Variants in GTF2E1 observed in about 807,000 individuals in gnomAD.
GTF2E1 encodes the protein TFIIE alpha subunit.
Under a neutral mutation model 34.9 loss-of-function variants are expected in GTF2E1, and 14 were observed. That is an observed-to-expected ratio of 0.40 (90% CI 0.27 to 0.63). The LOEUF (loss-of-function observed/expected upper bound fraction) is 0.63, where lower values mean the gene tolerates loss of function less well. GTF2E1 is among the 20% of genes least tolerant of loss of function. GTF2E1 has a pLI of 0.39. For synonymous variants in GTF2E1, 188 were observed against 192.9 expected (o/e 0.97, Z 0.21); for missense variants, 469 against 557.7 (o/e 0.84, Z 1.60).
At chr3:120,756,765 A>C (rs1364901913) in intron 2 of GTF2E1, among the ~76,000 whole-genome samples, 1 of 152,010 alleles carries the variant, frequency 6.6e-6, no homozygotes, top group Non-Finnish European at 1.5e-5. Flanking sequence ...ATCTCTACTA[A>C]AAATACAAAA....
chr3:120,761,386 A>AT (rs957080039), intron 2 of GTF2E1, among the ~76,000 whole-genome samples: 6 of 151,900 alleles, frequency 3.9e-5, no homozygotes, highest in East Asian at 1.9e-4. Context: ...GGATTCATTG[A>AT]TTTTTTGGAA....
chr3:120,781,579 T>A lies in GTF2E1; in HGVS notation c.*109T>A. On this transcript the variant is annotated 3_prime_UTR_variant, in exon 5 of 5. Transcript: ENST00000283875. ...TTCTGCCCCTCTTGATGTAAGCAAC[T>A]GTCCATCCTTGTGCAAAGATTGATG... 1.3e-6 allele frequency: 1 copy of A among 782,102 alleles called. No homozygotes were observed. The highest frequency in any genetic ancestry group is 2.7e-5 in the East Asian group (1 of 37,320). 48.4% of individuals were successfully genotyped at this position (782,102 alleles called of 1,614,324 possible).
chr3:120,765,700 A>T (rs1479233420), intron 2 of GTF2E1, among the ~76,000 whole-genome samples: 1 of 152,204 alleles, frequency 6.6e-6, no homozygotes, highest in Non-Finnish European at 1.5e-5. Flanking sequence ...TCAGATTTGG[A>T]TAGAATTATT....
At chr3:120,755,703 T>C (rs1196357355) in intron 2 of GTF2E1, among the ~76,000 whole-genome samples, 1 of 152,206 alleles carries the variant, frequency 6.6e-6, no homozygotes, top group African/African-American at 2.4e-5. Flanking sequence ...TGCTATCAAA[T>C]AGTAGGTCTT....
intron 2 of GTF2E1, among the ~76,000 whole-genome samples, chr3:120,770,256 A>G (rs1709340555): frequency 6.6e-6 from 1 of 152,132 alleles, no homozygotes. Flanking sequence ...ATTAGATACA[A>G]ATGGTTAATA....
At chr3:120,758,990 C>T (rs1020296292) in intron 2 of GTF2E1, among the ~76,000 whole-genome samples, 5 of 152,114 alleles carry the variant, frequency 3.3e-5, no homozygotes, top group Non-Finnish European at 5.9e-5. Context: ...CTTGAAGAAT[C>T]GCCACAGTCT....
intron 2 of GTF2E1, among the ~76,000 whole-genome samples, chr3:120,754,961 A>C (rs1241876568): frequency 6.6e-6 from 1 of 152,136 alleles, no homozygotes; most frequent in African/African-American, 2.4e-5. Flanking sequence ...GAATAAATCT[A>C]GGGGTATATA....
intron 4 of GTF2E1, among the ~76,000 whole-genome samples, chr3:120,780,768 T>G (rs1709439890): frequency 6.6e-6 from 1 of 152,170 alleles, no homozygotes; most frequent in Non-Finnish European, 1.5e-5. Context: ...GTTTAGAGAT[T>G]AAATAACTTG....
At chr3:120,743,302 A>G (rs201151852) in intron 1 of GTF2E1, among the ~76,000 whole-genome samples, 3 of 152,148 alleles carry the variant, frequency 2.0e-5, no homozygotes, top group African/African-American at 7.2e-5. Context: ...AGTCAGTACA[A>G]TCTTTTAACA....
chr3:120,776,384 T>G (rs1305115493), intron 3 of GTF2E1, 39 bp from the exon 4 acceptor site: 1 of 1,569,184 alleles, frequency 6.4e-7, no homozygotes, highest in Non-Finnish European at 8.6e-7. Context: ...AAGACATTAA[T>G]TTTTCTTCTT....
At chr3:120,779,775 A>G (rs1393573160) in intron 4 of GTF2E1, among the ~76,000 whole-genome samples, 2 of 152,174 alleles carry the variant, frequency 1.3e-5, no homozygotes, top group African/African-American at 2.4e-5. Flanking sequence ...AGTAAATACT[A>G]TTTTCCCCCT....
At chr3:120,759,430 C>A (rs1709238720) in intron 2 of GTF2E1, among the ~76,000 whole-genome samples, 1 of 152,130 alleles carries the variant, frequency 6.6e-6, no homozygotes, top group African/African-American at 2.4e-5. Flanking sequence ...TATGCAGAAG[C>A]TCTTTAGTAT....
intron 1 of GTF2E1, among the ~76,000 whole-genome samples, chr3:120,745,457 G>A (rs1709097213): frequency 6.6e-6 from 1 of 152,086 alleles, no homozygotes; most frequent in Non-Finnish European, 1.5e-5. Flanking sequence ...AGGGACTTTT[G>A]CTGCATAGTA....
intron 2 of GTF2E1, among the ~76,000 whole-genome samples, chr3:120,761,786 ATT>A (rs35658998): frequency 0.019 from 2,226 of 119,972 alleles, 21 homozygotes; most frequent in African/African-American, 0.067. Context: ...TCTGAGAGAC[ATT>A]TTTTTTTTTT....
At chr3:120,754,334 A>G (rs1287689028) in intron 2 of GTF2E1, among the ~76,000 whole-genome samples, 3 of 152,198 alleles carry the variant, frequency 2.0e-5, no homozygotes, top group Admixed American at 1.3e-4. Flanking sequence ...CAAAGCCACC[A>G]GCCTTTTACG....
At position 120,781,047 on chromosome 3, in the gene GTF2E1, C is replaced by T; in HGVS notation, c.897C>T (p.Gly299=). 1 of 1,604,620 alleles carries T rather than the reference C, an allele frequency of 6.2e-7. No homozygotes were observed. The highest frequency in any genetic ancestry group is 8.5e-7 in the Non-Finnish European group (1 of 1,172,986). Residue 299 remains glycine, a synonymous_variant, in exon 5 of 5, where the codon GGC becomes GGT. Coordinates refer to ENST00000283875, the MANE Select transcript of GTF2E1 (RefSeq NM_005513.3). ...TTTCTGAGTTTTACTCCCCAGGGGG[C>T]ATAGATATGGACGCATTTCAGGAGC... ...AYGSEDMKEG[G]IDMDAFQERE... is the part of the protein sequence containing the mutation.
At chr3:120,753,477 C>T (rs902682460) in intron 2 of GTF2E1, among the ~76,000 whole-genome samples, 1 of 152,148 alleles carries the variant, frequency 6.6e-6, no homozygotes, top group Non-Finnish European at 1.5e-5. Flanking sequence ...ACCTCCATTT[C>T]TTTTCAATAG....
intron 1 of GTF2E1, among the ~76,000 whole-genome samples, chr3:120,744,488 A>C (rs1265174415): frequency 6.6e-6 from 1 of 152,244 alleles, no homozygotes; most frequent in Non-Finnish European, 1.5e-5. Flanking sequence ...AGACACTTCT[A>C]AAAGTGATTT....
In GTF2E1 at chr3:120,781,718, T is replaced by TC. The variant is rs2107615050; in HGVS notation, c.*248_*249insC. ...ATATTTTACTGTATTTTCTTTTCTT[T>TC]TTTTTTTTTTTTTGGAGATGAAGTC... On this transcript the variant is annotated 3_prime_UTR_variant, in exon 5 of 5. Transcript: ENST00000283875. 5 of 277,712 alleles carry TC rather than the reference T, an allele frequency of 1.8e-5. No individual in the cohort carries two copies. The East Asian group carries it at 2.7e-4, about 15-fold the overall frequency. The allele number at this position is 277,712 out of a possible 1,614,324, so 17.2% of individuals were successfully genotyped here.
Sources: allele counts gnomAD v4.1 joint callset (sites outside exome capture counted in the v4.1 genomes callset), GRCh38; gene constraint gnomAD v4.1.1; transcripts MANE v1.5; gene names NCBI Gene and HGNC (gene_info 2026-07-23, HGNC 2026-07-21).